The following RTKN2 variants were observed in gnomAD, a reference collection of about 807,000 sequenced individuals.
The protein encoded by RTKN2 is rhotekin 2, also known as rhotekin-2.
Under a neutral mutation model 71.5 loss-of-function variants are expected in RTKN2, and 69 were observed. That is an observed-to-expected ratio of 0.96 (90% CI 0.79 to 1.18). The LOEUF is 1.18. Among genes scored for constraint, RTKN2 ranks in the 50% most tolerant of loss-of-function variants. RTKN2 has a pLI of 0.00. For missense variants in RTKN2, 724 were observed against 719.7 expected (o/e 1.01, Z -0.07); for synonymous variants, 236 against 236.5 (o/e 1.00, Z 0.02).
At position 62,193,446 on chromosome 10, in the gene RTKN2, T is replaced by C; in HGVS notation, c.*4462A>G. On this transcript the variant is annotated 3_prime_UTR_variant, in exon 12 of 12. Transcript: ENST00000373789. ...AGAAAAATGTTTGTTAAAATTTCTG[T>C]AACTTTTTTTGTTGTTAATTGAATG... 1 of 982,198 alleles carries C rather than the reference T, an allele frequency of 1.0e-6. No homozygotes were observed. Among genetic ancestry groups the C allele is most frequent in the Non-Finnish European group, 1.2e-6 (1 of 826,980 alleles). The allele number at this position is 982,198 out of a possible 1,614,324, so 60.8% of individuals were successfully genotyped here.
chr10:62,247,768 T>C (rs965042674), intron 2 of RTKN2, among the ~76,000 whole-genome samples: 4 of 152,048 alleles, frequency 2.6e-5, no homozygotes, highest in Non-Finnish European at 4.4e-5. Context: ...TTCTTCAAAC[T>C]TGTGCAAGAA....
chr10:62,190,505 C>T (rs1445340079), downstream of RTKN2, among the ~76,000 whole-genome samples: 6 of 152,114 alleles, frequency 3.9e-5, no homozygotes, highest in South Asian at 2.1e-4. Context: ...GAGACTCCCT[C>T]GCCTGGCATC....
At chr10:62,221,057 C>A (rs888438747) in intron 7 of RTKN2, among the ~76,000 whole-genome samples, 1 of 150,742 alleles carries the variant, frequency 6.6e-6, no homozygotes, top group Non-Finnish European at 1.5e-5. Context: ...AAAAGTATCC[C>A]AGATGCAAGG....
Position 62,236,282 on chromosome 10 carries a change from A to G in RTKN2, c.489-19T>C. On this transcript the variant is annotated intron_variant, in intron 5 of 11. Coordinates refer to ENST00000373789, the MANE Select transcript of RTKN2 (RefSeq NM_145307.4). Reference sequence around the variant, plus strand: ...TTCATTACTAAAAACAAGGGCATTCATAATGTTGGAAATTTAACTCAGTAG... The same window carrying G: ...TTCATTACTAAAAACAAGGGCATTCGTAATGTTGGAAATTTAACTCAGTAG... The G allele has an allele frequency of 6.6e-7, 1 of 1,521,872 alleles. No homozygotes were observed. Among genetic ancestry groups the G allele is most frequent in the Non-Finnish European group, 9.0e-7 (1 of 1,110,386 alleles). 94.3% of individuals were successfully genotyped at this position (1,521,872 alleles called of 1,614,324 possible). A position where few individuals can be genotyped will look rare whatever the true frequency, so the allele number is the denominator to read the frequency against.
At position 62,193,921 on chromosome 10, in the gene RTKN2, A is replaced by G; in HGVS notation, c.*3987T>C. 1 of 982,514 alleles carries G rather than the reference A, an allele frequency of 1.0e-6. No homozygotes were observed. The highest frequency in any genetic ancestry group is 1.1e-4 in the East Asian group (1 of 8,808). 60.9% of individuals were successfully genotyped at this position (982,514 alleles called of 1,614,324 possible). A position where few individuals can be genotyped will look rare whatever the true frequency, so the allele number is the denominator to read the frequency against. ...CTACTTGGTATGTCTTTTTCTGATT[A>G]AACTGATTCCACCACACTGTCTACT... On this transcript the variant is annotated 3_prime_UTR_variant, in exon 12 of 12. Transcript: ENST00000373789.
intron 7 of RTKN2, among the ~76,000 whole-genome samples, chr10:62,219,883 T>C (rs1046070335): frequency 7.2e-5 from 11 of 152,216 alleles, no homozygotes; most frequent in African/African-American, 2.2e-4. Flanking sequence ...AGTCCTTTAA[T>C]GAAGATACCT....
chr10:62,245,921 A>C, intron 3 of RTKN2, 78 bp downstream of exon 3: 1 of 847,974 alleles, frequency 1.2e-6, no homozygotes, highest in Admixed American at 2.5e-5. Flanking sequence ...GAATGGAGAC[A>C]GGGCATAAAA....
chr10:62,192,811 C>T (rs1013663801), downstream of RTKN2, among the ~76,000 whole-genome samples: 4 of 152,058 alleles, frequency 2.6e-5, no homozygotes, highest in Admixed American at 6.5e-5. Context: ...CAGGTTGGAG[C>T]TGGGTTGTAA....
At position 62,184,396 on chromosome 10, in the gene RTKN2, C is replaced by CA. The variant is rs749444613; in HGVS notation, c.862-10dup. ...AGTTGATTACTATTATTCTGAAAAA[C>CA]AAAAAAAATCACCTTTAGTCACCCA... On this transcript the variant is annotated splice_polypyrimidine_tract_variant and intron_variant, in intron 8 of 8. Transcript: ENST00000315289. 1.3e-4 allele frequency: 199 copies of CA among 1,484,362 alleles called. 1 individual carries two copies. Among genetic ancestry groups the CA allele is most frequent in the East Asian group, 1.1e-3 (44 of 39,912 alleles). The allele number at this position is 1,484,362 out of a possible 1,614,324, so 91.9% of individuals were successfully genotyped here.
Position 62,196,218 on chromosome 10 carries a change from T to C in RTKN2, c.*1690A>G, listed in dbSNP as rs1040715325. ...AATATCCTTTAGATTTTTAATGTCA[T>C]TTATTGAAATGGCAATCATAACAGA... On this transcript the variant is annotated 3_prime_UTR_variant, in exon 12 of 12. Transcript: ENST00000373789. 3.1e-6 allele frequency: 3 copies of C among 973,198 alleles called. No homozygotes were observed. Among genetic ancestry groups the C allele is most frequent in the African/African-American group, 3.5e-5 (2 of 56,976 alleles). 60.3% of individuals were successfully genotyped at this position (973,198 alleles called of 1,614,324 possible).
intron 3 of RTKN2, among the ~76,000 whole-genome samples, chr10:62,244,379 T>G (rs1473337725): frequency 6.6e-6 from 1 of 152,184 alleles, no homozygotes; most frequent in Non-Finnish European, 1.5e-5. Context: ...ACTTGAGTAA[T>G]TGTGGGCAGG....
intron 9 of RTKN2, among the ~76,000 whole-genome samples, chr10:62,205,302 G>A (rs1589337653): frequency 6.6e-6 from 1 of 151,508 alleles, no homozygotes; most frequent in African/African-American, 2.4e-5. Flanking sequence ...CATAACCCCT[G>A]TTTTGATCCA....
intron 9 of RTKN2, among the ~76,000 whole-genome samples, chr10:62,212,256 C>A (rs1260095107): frequency 6.6e-6 from 1 of 151,888 alleles, no homozygotes; most frequent in Non-Finnish European, 1.5e-5. Flanking sequence ...ATAATCCCAG[C>A]TACTCAGGAG....
chr10:62,184,604 T>G (rs1841105449), intron 8 of RTKN2, among the ~76,000 whole-genome samples: 1 of 152,168 alleles, frequency 6.6e-6, no homozygotes, highest in Non-Finnish European at 1.5e-5. Context: ...AAGAATAATG[T>G]CAAACAGAGG....
At chr10:62,219,778 T>A (rs1431140406) in intron 7 of RTKN2, among the ~76,000 whole-genome samples, 2 of 151,712 alleles carry the variant, frequency 1.3e-5, no homozygotes, top group Non-Finnish European at 2.9e-5. Context: ...CCGATACCCA[T>A]CTCTAATTAA....
Position 62,195,014 on chromosome 10 carries a change from C to T in RTKN2, c.*2894G>A. On this transcript the variant is annotated 3_prime_UTR_variant, in exon 12 of 12. Coordinates refer to ENST00000373789, the MANE Select transcript of RTKN2 (RefSeq NM_145307.4). ...AAGACTATTTACCTTAGGAGGTGTG[C>T]ATTTAGAATTTTAAAAATGCCTTCT... 9.1e-6 allele frequency: 9 copies of T among 985,184 alleles called. No homozygotes were observed. The highest frequency in any genetic ancestry group is 1.1e-5 in the Non-Finnish European group (9 of 829,720). The allele number at this position is 985,184 out of a possible 1,614,324, so 61.0% of individuals were successfully genotyped here. A position where few individuals can be genotyped will look rare whatever the true frequency, so the allele number is the denominator to read the frequency against.
At chr10:62,213,701 A>C (rs957772851) in intron 9 of RTKN2, among the ~76,000 whole-genome samples, 2 of 152,134 alleles carry the variant, frequency 1.3e-5, no homozygotes, top group African/African-American at 2.4e-5. Context: ...TCTTATGTTC[A>C]AATGGGTCAT....
intron 3 of RTKN2, 109 bp from the exon 4 acceptor site, chr10:62,241,304 A>G: frequency 1.6e-6 from 1 of 627,966 alleles, no homozygotes; most frequent in Non-Finnish European, 2.8e-6. Context: ...TATAGCTAAA[A>G]TAAAGTGTTA....
At chr10:62,240,786 C>T (rs1176906488) in intron 4 of RTKN2, among the ~76,000 whole-genome samples, 1 of 152,114 alleles carries the variant, frequency 6.6e-6, no homozygotes, top group Non-Finnish European at 1.5e-5. Context: ...TGAAATAAGG[C>T]AGAAAAATCT....
Sources: gnomAD v4.1 joint callset for allele counts (sites outside exome capture counted in the v4.1 genomes callset) on GRCh38, gnomAD v4.1.1 for gene constraint, MANE v1.5 for transcripts, NCBI Gene and HGNC (gene_info 2026-07-23, HGNC 2026-07-21) for gene names.